HEATR4: variants seen among roughly 807,000 people sequenced by gnomAD.
The protein encoded by HEATR4 is HEAT repeat containing 4.
HEATR4 carries 95 observed loss-of-function variants against 108.8 expected under a neutral mutation model. The observed-to-expected ratio is 0.87, with a 90% CI of 0.74 to 1.04. HEATR4 has a LOEUF of 1.04. HEATR4 is among the 50% of genes least tolerant of loss of function. The pLI, the probability that HEATR4 is intolerant of heterozygous loss-of-function variation, is 0.00. For missense variants in HEATR4, 1,152 were observed against 1,253.8 expected, an observed-to-expected ratio of 0.92 and a Z score of 1.23; for synonymous variants, 443 against 459.4, an observed-to-expected ratio of 0.96 and a Z score of 0.46.
intron 17 of HEATR4, chr14:73,490,966 C>T (rs12884494): frequency 7.6e-7 from 1 of 1,309,242 alleles, no homozygotes; most frequent in African/African-American, 1.5e-5. Flanking sequence ...TCAGGAACCG[C>T]TTTAGCTTCG....
At chr14:73,588,152 C>T in the HEATR4 span, among the ~76,000 whole-genome samples, 1 of 152,230 alleles carries the variant, frequency 6.6e-6, no homozygotes, top group African/African-American at 2.4e-5. Context: ...CAGGGCCGTA[C>T]CACCACGCCA....
At chr14:73,491,204 T>G in intron 17 of HEATR4, 10 of 1,594,784 alleles carry the variant, frequency 6.3e-6, no homozygotes, top group Non-Finnish European at 8.5e-6. Flanking sequence ...TAGCGAGAAC[T>G]CGGAGGAATC....
intron 11 of HEATR4, among the ~76,000 whole-genome samples, chr14:73,502,506 A>G (rs1476125859): frequency 2.6e-5 from 4 of 151,976 alleles, no homozygotes; most frequent in Admixed American, 2.6e-4. Flanking sequence ...GGGTCCGTAC[A>G]GAGGAGCTCA....
the HEATR4 span, among the ~76,000 whole-genome samples, chr14:73,607,625 C>CT: frequency 6.6e-6 from 1 of 151,820 alleles, no homozygotes; most frequent in Non-Finnish European, 1.5e-5. Context: ...CTTTTCTTTT[C>CT]TTTCTTTTTT....
chr14:73,601,931 T>C, the HEATR4 span, among the ~76,000 whole-genome samples: 1 of 151,632 alleles, frequency 6.6e-6, no homozygotes, highest in African/African-American at 2.4e-5. Flanking sequence ...ATTATGCTTT[T>C]TTTTTTTTAA....
At chr14:73,612,860 G>A in the HEATR4 span, 1 of 1,405,692 alleles carries the variant, frequency 7.1e-7, no homozygotes, top group African/African-American at 1.5e-5. Flanking sequence ...GGTGAAGCGC[G>A]ACGTGCGGAC....
At chr14:73,606,621 G>A in the HEATR4 span, among the ~76,000 whole-genome samples, 12 of 152,290 alleles carry the variant, frequency 7.9e-5, no homozygotes, top group African/African-American at 1.9e-4. Flanking sequence ...CTGCCAATAT[G>A]TCTGGCTTTT....
the HEATR4 span, chr14:73,612,926 C>T: frequency 1.5e-6 from 2 of 1,344,010 alleles, no homozygotes; most frequent in Non-Finnish European, 2.0e-6. Context: ...GCCCGGGCGG[C>T]TGCTGTGCCT....
chr14:73,625,906 AAAGG>A, the HEATR4 span, among the ~76,000 whole-genome samples: 1 of 152,254 alleles, frequency 6.6e-6, no homozygotes, highest in Non-Finnish European at 1.5e-5. Context: ...TGTTCAAGTG[AAAGG>A]AAGAGTCTCG....
intron 17 of HEATR4, among the ~76,000 whole-genome samples, chr14:73,479,723 C>T (rs960925109): frequency 1.1e-4 from 16 of 152,042 alleles, no homozygotes; most frequent in Non-Finnish European, 2.1e-4. Context: ...AGCCTCCGCT[C>T]CCGGCCACGC....
At chr14:73,625,142 T>C in the HEATR4 span, among the ~76,000 whole-genome samples, 2 of 151,958 alleles carry the variant, frequency 1.3e-5, no homozygotes, top group Non-Finnish European at 2.9e-5. Context: ...CACTGCAACC[T>C]CCGCCTCCTG....
the HEATR4 span, among the ~76,000 whole-genome samples, chr14:73,586,474 A>T: frequency 2.0e-5 from 3 of 150,936 alleles, no homozygotes; most frequent in South Asian, 4.2e-4. Flanking sequence ...GGAGGCCAAC[A>T]CAGGAGGATC....
At chr14:73,551,683 C>G (rs1428021034) in intron 1 of HEATR4, among the ~76,000 whole-genome samples, 2 of 111,182 alleles carry the variant, frequency 1.8e-5, no homozygotes, top group African/African-American at 2.9e-5. Context: ...TGGTGCGCAC[C>G]TGTAGTCCCA....
chr14:73,587,976 C>T, the HEATR4 span, among the ~76,000 whole-genome samples: 2 of 152,128 alleles, frequency 1.3e-5, no homozygotes, highest in African/African-American at 4.8e-5. Context: ...AATCATAACT[C>T]CTATTAGACC....
chr14:73,537,599 C>G, intron 1 of HEATR4: 1 of 1,222,410 alleles, frequency 8.2e-7, no homozygotes, highest in Non-Finnish European at 1.1e-6. Context: ...CCTTGGCGAG[C>G]TGGACCTGGA....
Position 73,554,074 on chromosome 14 carries a change from G to A in HEATR4, c.-152+4677C>T, listed in dbSNP as rs916144233. Among the ~76,000 whole-genome samples, 14 of 114,530 alleles carry A rather than the reference G, an allele frequency of 1.2e-4. 4 individuals carry two copies. The highest frequency in any genetic ancestry group is 4.9e-3 in the Middle Eastern group (1 of 204). 75.1% of individuals were successfully genotyped at this position (114,530 alleles called of 152,430 possible). On this transcript the variant is annotated intron_variant, in intron 1 of 17. Coordinates refer to ENST00000553558, the MANE Select transcript of HEATR4 (RefSeq NM_001220484.1). ...CTTACTCATGTAATCACGGCACTTC[G>A]GGAGCCCAAGGCAGGCAGATCACTA...
the HEATR4 span, among the ~76,000 whole-genome samples, chr14:73,601,241 T>C: frequency 6.6e-6 from 1 of 152,160 alleles, no homozygotes; most frequent in Non-Finnish European, 1.5e-5. Context: ...CCCAAAAATA[T>C]GGATTTGACA....
rs753520163 is a variant in HEATR4 at position 73,492,259 on chromosome 14, C to T, written c.2844+807G>A. 1 of 1,614,032 alleles carries T rather than the reference C, an allele frequency of 6.2e-7. No individual in the cohort carries two copies. The highest frequency in any genetic ancestry group is 1.7e-5 in the Admixed American group (1 of 60,018). ...AAGCTGAATGCCAGGATGGAGTCCA[C>T]TCTCTGCACCTCACCTTGTCCACGT... On this transcript the variant is annotated intron_variant, in intron 17 of 17. Transcript: ENST00000553558. The surrounding 1 kb of genome is among the most constrained non-coding windows in gnomAD (Gnocchi z 4.9).
chr14:73,612,496 C>G, the HEATR4 span: 1 of 1,025,384 alleles, frequency 9.8e-7, no homozygotes, highest in South Asian at 2.6e-5. Flanking sequence ...CGACTACTTT[C>G]CAGCGCTCGG....
Sources: allele counts gnomAD v4.1 joint callset (sites outside exome capture counted in the v4.1 genomes callset), GRCh38; gene constraint gnomAD v4.1.1; non-coding constraint Gnocchi (gnomAD v3.1); transcripts MANE v1.5; gene names NCBI Gene and HGNC (gene_info 2026-07-23, HGNC 2026-07-21).